PARVA: variants seen among roughly 807,000 people sequenced by gnomAD.
The protein encoded by PARVA is parvin alpha.
Under a neutral mutation model 52.6 loss-of-function variants are expected in PARVA, and 25 were observed. The observed-to-expected ratio is 0.48, with a 90% CI of 0.35 to 0.66. The LOEUF (loss-of-function observed/expected upper bound fraction) is 0.66, where lower values mean the gene tolerates loss of function less well. Among genes scored for constraint, PARVA ranks in the 30% least tolerant of loss-of-function variants. The pLI is 0.01. For missense variants in PARVA, 373 were observed against 450.9 expected (o/e 0.83, Z 1.56); for synonymous variants, 185 against 179.1 (o/e 1.03, Z -0.26).
In PARVA at chr11:12,533,808, C is replaced by CTGAGGAGGAGGAGGAGGA. The variant is rs56689985; in HGVS notation, c.*5883_*5884insTGAGGAGGAGGAGGAGGA. On this transcript the variant is annotated 3_prime_UTR_variant, in exon 13 of 13. Coordinates refer to ENST00000334956, the MANE Select transcript of PARVA (RefSeq NM_018222.5). ...CCTCATGGTCATCACATTGAGTAGG[C>CTGAGGAGGAGGAGGAGGA]GGAGGAGGAGGAGGAGGAGGAGGAG... 1.3e-5 allele frequency among the ~76,000 whole-genome samples: 2 copies of CTGAGGAGGAGGAGGAGGA among 150,162 alleles called. No individual in the cohort carries two copies. The highest frequency in any genetic ancestry group is 4.9e-5 in the African/African-American group (2 of 40,576).
intron 1 of PARVA, among the ~76,000 whole-genome samples, chr11:12,416,750 GAAGA>G (rs1204090377): frequency 6.6e-6 from 1 of 150,720 alleles, no homozygotes; most frequent in East Asian, 2.0e-4. Flanking sequence ...GAGAAGGAAG[GAAGA>G]AAGCAATGGA....
chr11:12,527,345 T>C (rs558178674), intron 12 of PARVA, among the ~76,000 whole-genome samples: 1 of 146,368 alleles, frequency 6.8e-6, no homozygotes, highest in South Asian at 2.2e-4. Context: ...AATGGTAGCA[T>C]AGAAGCTGAG....
chr11:12,471,611 C>T (rs905214039), intron 1 of PARVA, among the ~76,000 whole-genome samples: 15 of 152,030 alleles, frequency 9.9e-5, no homozygotes, highest in African/African-American at 3.6e-4. Flanking sequence ...GAGCAGAAAA[C>T]CAAATATGGC....
In PARVA at chr11:12,519,966, C is replaced by G. The variant is rs76915620; in HGVS notation, c.1042+1449C>G. On this transcript the variant is annotated intron_variant, in intron 12 of 12. Transcript: ENST00000334956. ...CACCCTGCTTCTGGGAGGACAGACA[C>G]AGTGAGAAAGTTCCGACCATCATTT... Among the ~76,000 whole-genome samples, 1,061 of 152,080 alleles carry G rather than the reference C, an allele frequency of 7.0e-3. 12 individuals carry two copies. Among genetic ancestry groups the G allele is most frequent in the African/African-American group, 0.024 (997 of 41,374 alleles).
chr11:12,504,487 C>A, intron 6 of PARVA, 58 bp downstream of exon 6: 1 of 1,066,672 alleles, frequency 9.4e-7, no homozygotes, highest in South Asian at 1.3e-5. Context: ...AGGTCGAGTT[C>A]CTATGGTGCG....
At chr11:12,461,287 C>T (rs1036460762) in intron 1 of PARVA, among the ~76,000 whole-genome samples, 1 of 152,150 alleles carries the variant, frequency 6.6e-6, no homozygotes, top group Non-Finnish European at 1.5e-5. Flanking sequence ...ATTGTATCTA[C>T]ATTTCCTATG....
chr11:12,420,777 T>C (rs1940137398), intron 1 of PARVA, among the ~76,000 whole-genome samples: 1 of 152,214 alleles, frequency 6.6e-6, no homozygotes, highest in South Asian at 2.1e-4. Context: ...ACCGTCATTA[T>C]TCTCAATTTA....
At chr11:12,508,066 A>C (rs1002510175) in intron 6 of PARVA, among the ~76,000 whole-genome samples, 2 of 146,280 alleles carry the variant, frequency 1.4e-5, no homozygotes, top group Non-Finnish European at 3.0e-5. Context: ...GTGAGGACTT[A>C]CTACTTATTT....
At chr11:12,388,989 A>G (rs768992183) in intron 1 of PARVA, among the ~76,000 whole-genome samples, 1 of 152,148 alleles carries the variant, frequency 6.6e-6, no homozygotes, top group Non-Finnish European at 1.5e-5. Flanking sequence ...CTTATCATCA[A>G]TAGGTTAGAA....
intron 7 of PARVA, among the ~76,000 whole-genome samples, chr11:12,508,879 A>C (rs1433463206): frequency 6.6e-6 from 1 of 152,092 alleles, no homozygotes; most frequent in Non-Finnish European, 1.5e-5. Context: ...AAAACTTCTA[A>C]TTTTGTGCCA....
At chr11:12,488,121 C>T (rs1345066449) in intron 4 of PARVA, among the ~76,000 whole-genome samples, 1 of 152,024 alleles carries the variant, frequency 6.6e-6, no homozygotes, top group African/African-American at 2.4e-5. Flanking sequence ...TGATAAAGAC[C>T]ACTAAATAAA....
chr11:12,415,549 A>T (rs927044016), intron 1 of PARVA, among the ~76,000 whole-genome samples: 7 of 151,852 alleles, frequency 4.6e-5, no homozygotes, highest in African/African-American at 1.7e-4. Flanking sequence ...AGTCTATGAG[A>T]AACAATGGCC....
chr11:12,477,835 C>T lies in PARVA; in HGVS notation c.298-12C>T, dbSNP rs774924264. 1 of 1,397,326 alleles carries T rather than the reference C, an allele frequency of 7.2e-7. No homozygotes were observed. The highest frequency in any genetic ancestry group is 1.7e-5 in the Admixed American group (1 of 59,746). 86.6% of individuals were successfully genotyped at this position (1,397,326 alleles called of 1,614,324 possible). A position where few individuals can be genotyped will look rare whatever the true frequency, so the allele number is the denominator to read the frequency against. On this transcript the variant is annotated splice_polypyrimidine_tract_variant and intron_variant, in intron 3 of 12. Transcript: ENST00000334956. ...TCTTACTATTGCACATTCCCTTTCT[C>T]TCTCTCTGTAGGTATTAATTGACTG...
At chr11:12,400,672 G>T (rs542568207) in intron 1 of PARVA, among the ~76,000 whole-genome samples, 1 of 151,648 alleles carries the variant, frequency 6.6e-6, no homozygotes, top group Non-Finnish European at 1.5e-5. Context: ...CTTTCCTTCC[G>T]TCTCTTTTTT....
chr11:12,494,578 C>G (rs1941273659), intron 4 of PARVA, among the ~76,000 whole-genome samples: 1 of 151,728 alleles, frequency 6.6e-6, no homozygotes, highest in Non-Finnish European at 1.5e-5. Context: ...CAGAAAGTTA[C>G]AAGGTTTTTA....
chr11:12,467,468 A>G (rs1340220270), intron 1 of PARVA, among the ~76,000 whole-genome samples: 1 of 152,230 alleles, frequency 6.6e-6, no homozygotes, highest in Non-Finnish European at 1.5e-5. Context: ...GGGGCAAAGC[A>G]TCCAATTTCT....
chr11:12,391,160 C>T (rs972389931), intron 1 of PARVA, among the ~76,000 whole-genome samples: 9 of 152,112 alleles, frequency 5.9e-5, no homozygotes, highest in Admixed American at 5.2e-4. Context: ...TGAACGTGGC[C>T]GGAGTGATGG....
intron 1 of PARVA, among the ~76,000 whole-genome samples, chr11:12,408,290 T>C (rs1457470935): frequency 1.3e-5 from 2 of 152,160 alleles, no homozygotes; most frequent in African/African-American, 4.8e-5. Context: ...TTGGGGTTGG[T>C]TTTCCCAAAT....
intron 1 of PARVA, among the ~76,000 whole-genome samples, chr11:12,428,167 A>T (rs1940263779): frequency 6.6e-6 from 1 of 152,220 alleles, no homozygotes; most frequent in Non-Finnish European, 1.5e-5. Flanking sequence ...GTGGCAAATG[A>T]TGAGCAGAGA....
Sources: allele counts gnomAD v4.1 joint callset (sites outside exome capture counted in the v4.1 genomes callset), GRCh38; gene constraint gnomAD v4.1.1; transcripts MANE v1.5; gene names NCBI Gene and HGNC (gene_info 2026-07-23, HGNC 2026-07-21).